Variants in GAK observed in about 807,000 individuals in gnomAD.
GAK encodes cyclin G associated kinase, also known as cyclin-G-associated kinase.
A neutral mutation model predicts 143.9 loss-of-function variants in GAK; 79 were observed. The observed-to-expected ratio is 0.55, with a 90% CI of 0.46 to 0.66. The LOEUF (loss-of-function observed/expected upper bound fraction) is 0.66, where lower values mean the gene tolerates loss of function less well. GAK is among the 30% of genes least tolerant of loss of function. The pLI is 0.00. For missense variants in GAK, 1,693 were observed against 1,779.7 expected, an observed-to-expected ratio of 0.95 and a Z score of 0.88; for synonymous variants, 881 against 765.5, an observed-to-expected ratio of 1.15 and a Z score of -2.49.
intron 18 of GAK, among the ~76,000 whole-genome samples, chr4:875,229 C>CTAA (rs1262986607): frequency 6.6e-6 from 1 of 152,130 alleles, no homozygotes; most frequent in Non-Finnish European, 1.5e-5. Context: ...GCTGAAAACT[C>CTAA]TAAGAGCACT....
intron 24 of GAK, among the ~76,000 whole-genome samples, chr4:854,872 C>T (rs563162701): frequency 6.6e-6 from 1 of 152,132 alleles, no homozygotes; most frequent in African/African-American, 2.4e-5. Context: ...GGTGAAACCC[C>T]ATCTCTACTA....
chr4:915,722 G>A (rs1160645822), intron 1 of GAK: 1 of 152,218 alleles, frequency 6.6e-6, no homozygotes, highest in East Asian at 1.9e-4. Flanking sequence ...TCCCCAGCCT[G>A]ATAGACGGCA....
chr4:921,829 A>C (rs150562388), intron 1 of GAK, among the ~76,000 whole-genome samples: 1 of 152,328 alleles, frequency 6.6e-6, no homozygotes, highest in East Asian at 1.9e-4. Flanking sequence ...AAGAACACTC[A>C]AAACTTGGTC....
intron 1 of GAK, among the ~76,000 whole-genome samples, chr4:921,981 C>T (rs1469661765): frequency 1.3e-5 from 2 of 152,146 alleles, no homozygotes; most frequent in Non-Finnish European, 2.9e-5. Flanking sequence ...ACATGTATCA[C>T]AATGATCACA....
rs774056352 is a variant in GAK at position 868,572 on chromosome 4, C to A, written c.2362G>T (p.Ala788Ser). Reference protein sequence around the residue: ...SDSPPSSSADASRFLHTLDWQ... With the variant: ...SDSPPSSSADSSRFLHTLDWQ... ...TCCAGCGTGTGCAGGAAGCGACTGG[C>A]GTCCGCGCTGCTGCTTGGCGGTGAG... The change falls in exon 20 of 28, where the codon GCC (alanine) becomes TCC (serine). Residue 788 changes from alanine to serine, a missense_variant. By Grantham distance (99) the Ala-to-Ser change is moderately conservative. Around this residue, in one of 2 missense-constraint regions of GAK, gnomAD observed 822 missense variants for 788.7 expected, o/e 1.04. Transcript: ENST00000314167. The A allele has an allele frequency of 3.7e-6, 6 of 1,607,108 alleles. No individual in the cohort carries two copies. The highest frequency in any genetic ancestry group is 1.7e-5 in the Admixed American group (1 of 59,486).
chr4:912,458 C>A (rs1722217063), intron 3 of GAK: 3 of 420,074 alleles, frequency 7.1e-6, no homozygotes, highest in East Asian at 9.2e-5. Flanking sequence ...TGGTAACCAG[C>A]CCATCCACTG....
chr4:866,343 T>A (rs1321585904), intron 22 of GAK, 21 bp downstream of exon 22: 2 of 1,611,410 alleles, frequency 1.2e-6, no homozygotes, highest in South Asian at 2.2e-5. Flanking sequence ...GAGAGCTGGC[T>A]GCCAGGCGAG....
At chr4:883,977 C>T (rs554138982) in intron 12 of GAK, 60 bp downstream of exon 12, 3 of 1,449,742 alleles carry the variant, frequency 2.1e-6, no homozygotes, top group African/African-American at 2.8e-5. Flanking sequence ...ACAACAGGGA[C>T]TCACTGGGCA....
At chr4:925,519 A>G (rs908649969) in intron 1 of GAK, among the ~76,000 whole-genome samples, 1 of 152,222 alleles carries the variant, frequency 6.6e-6, no homozygotes, top group Non-Finnish European at 1.5e-5. Context: ...GTAAAATACC[A>G]CATACCAACA....
chr4:880,502 A>C (rs1714879541), intron 15 of GAK, among the ~76,000 whole-genome samples: 2 of 151,266 alleles, frequency 1.3e-5, no homozygotes, highest in African/African-American at 2.4e-5. Flanking sequence ...CCCGGCCCTC[A>C]CTCTCCCATC....
chr4:914,344 A>AC (rs1491458208), intron 1 of GAK, among the ~76,000 whole-genome samples: 3 of 98,666 alleles, frequency 3.0e-5, no homozygotes, highest in Non-Finnish European at 5.9e-5. Context: ...GGCCCCACAC[A>AC]AACACAGCCC....
At chr4:871,030 G>T in intron 18 of GAK, 126 bp from the exon 19 acceptor site, 1 of 809,752 alleles carries the variant, frequency 1.2e-6, no homozygotes, top group Non-Finnish European at 1.9e-6. Context: ...GAACAACCAG[G>T]GCAGCCGGCC....
intron 1 of GAK, 25 bp from the exon 2 acceptor site, chr4:913,693 T>C (rs772137607): frequency 1.3e-5 from 20 of 1,568,856 alleles, no homozygotes; most frequent in Non-Finnish European, 1.8e-5. Flanking sequence ...GACTTGTCAG[T>C]TCAATGCTAT....
intron 5 of GAK, among the ~76,000 whole-genome samples, chr4:903,175 C>T (rs1327416131): frequency 4.6e-5 from 7 of 152,182 alleles, no homozygotes; most frequent in Admixed American, 2.0e-4. Context: ...GGATGGAGCG[C>T]GAGCCCAGCC....
Position 867,293 on chromosome 4 carries a change from G to A in GAK, c.2535C>T (p.Ala845=), listed in dbSNP as rs368064003. 2.9e-5 allele frequency: 46 copies of A among 1,612,350 alleles called. 1 individual carries two copies. In the Middle Eastern group the frequency reaches 6.6e-4, roughly 23 times the overall value. The change falls in exon 21 of 28, where the codon GCC becomes GCT. Residue 845 remains alanine, a synonymous_variant. Transcript: ENST00000314167. ...CTGCCAGGCCGGGGGGCTCTGGGTCGGCCCTGGGTTCCTGGCCCTCGCTGG... is the reference window on the plus strand; with the variant it reads ...CTGCCAGGCCGGGGGGCTCTGGGTCAGCCCTGGGTTCCTGGCCCTCGCTGG... ...PISSEGQEPR[A]DPEPPGLAAG...
chr4:870,646 G>A (rs2152764363), intron 19 of GAK, 65 bp downstream of exon 19: 4 of 1,518,038 alleles, frequency 2.6e-6, no homozygotes, highest in Non-Finnish European at 3.6e-6. Context: ...CTCAGCCAAA[G>A]GTGTCTCTCT....
At chr4:868,805 G>C (rs561972843) in intron 19 of GAK, 120 bp from the exon 20 acceptor site, 1 of 997,368 alleles carries the variant, frequency 1.0e-6, no homozygotes, top group Non-Finnish European at 1.4e-6. Context: ...CCAGGCCATC[G>C]GTAAAGCAGA....
At chr4:859,388 G>A (rs1231092583) in intron 24 of GAK, 30 of 1,498,876 alleles carry the variant, frequency 2.0e-5, no homozygotes, top group Non-Finnish European at 2.7e-5. Context: ...GCTGGCAGCA[G>A]TGCCAGTGTC....
chr4:871,414 T>G (rs1451795227), intron 18 of GAK, among the ~76,000 whole-genome samples: 1 of 152,228 alleles, frequency 6.6e-6, no homozygotes, highest in East Asian at 1.9e-4. Flanking sequence ...TCTGGGATAC[T>G]AAATGTGTTT....
Sources: gnomAD v4.1 joint callset for allele counts (sites outside exome capture counted in the v4.1 genomes callset) on GRCh38, gnomAD v4.1.1 for gene constraint, gnomAD v4.1.1 regional missense constraint, MANE v1.5 for transcripts, NCBI Gene and HGNC (gene_info 2026-07-23, HGNC 2026-07-21) for gene names.